HEATR5B: variants seen among roughly 807,000 people sequenced by gnomAD.
HEATR5B encodes HEAT repeat containing 5B.
A neutral mutation model predicts 224.1 loss-of-function variants in HEATR5B; 156 were observed. The ratio of observed to expected loss-of-function variants is 0.70; its 90% CI spans 0.61 to 0.80. HEATR5B has a LOEUF of 0.80. HEATR5B is among the 30% of genes least tolerant of loss of function. The pLI is 0.00. For synonymous variants in HEATR5B, 1,027 were observed against 893.0 expected (o/e 1.15, Z -2.68); for missense variants, 2,323 against 2,535.5 (o/e 0.92, Z 1.80).
rs1442329477 is a variant in HEATR5B, at chr2:37,007,142, G to C, written c.4685C>G (p.Ser1562Cys). ...TGCCTGGTTTAAATTGACAGATGTAGAACGTTTTTGTAAACCAGATATTGC... is the reference window on the plus strand; with the variant it reads ...TGCCTGGTTTAAATTGACAGATGTACAACGTTTTTGTAAACCAGATATTGC... Reference protein sequence around the residue: ...AAAISGLQKRSTSVNLNQASG... With the variant: ...AAAISGLQKRCTSVNLNQASG... The change falls in exon 29 of 36, where the codon TCT (serine) becomes TGT (cysteine). Residue 1562 changes from serine (S) to cysteine (C), a missense_variant. Ser to Cys is a moderately radical substitution (Grantham distance 112, BLOSUM62 -1). Transcript: ENST00000233099. 1.2e-6 allele frequency: 2 copies of C among 1,614,044 alleles called. No homozygotes were observed. Among genetic ancestry groups the C allele is most frequent in the South Asian group, 2.2e-5 (2 of 91,072 alleles).
intron 33 of HEATR5B, among the ~76,000 whole-genome samples, chr2:36,997,359 T>C (rs1189572659): frequency 6.6e-6 from 1 of 152,010 alleles, no homozygotes; most frequent in African/African-American, 2.4e-5. Context: ...TAATTATTTA[T>C]TTTTTATTTT....
intron 33 of HEATR5B, among the ~76,000 whole-genome samples, chr2:36,999,423 A>T (rs1389921297): frequency 6.6e-6 from 1 of 151,976 alleles, no homozygotes; most frequent in Non-Finnish European, 1.5e-5. Flanking sequence ...CATGCCTGTA[A>T]TCTCAGCAAC....
chr2:37,013,510 C>A (rs1558731656), intron 27 of HEATR5B, among the ~76,000 whole-genome samples: 1 of 152,108 alleles, frequency 6.6e-6, no homozygotes, highest in Non-Finnish European at 1.5e-5. Context: ...CAAAGCAAGA[C>A]CCTACCTTTA....
intron 6 of HEATR5B, among the ~76,000 whole-genome samples, chr2:37,071,516 T>G (rs1033367945): frequency 2.0e-5 from 3 of 152,194 alleles, no homozygotes; most frequent in Admixed American, 6.5e-5. Context: ...AATAAAGTGC[T>G]GAAAATAAGT....
At chr2:37,065,326 T>G (rs1368206781) in intron 9 of HEATR5B, among the ~76,000 whole-genome samples, 2 of 149,480 alleles carry the variant, frequency 1.3e-5, no homozygotes, top group Non-Finnish European at 3.0e-5. Context: ...CAAGGAAACT[T>G]TTTTTTTTTT....
chr2:37,047,115 G>A (rs1305473552), intron 18 of HEATR5B, among the ~76,000 whole-genome samples: 1 of 149,650 alleles, frequency 6.7e-6, no homozygotes, highest in Non-Finnish European at 1.5e-5. Context: ...AGGCTGAGGT[G>A]AGAGGGCTGC....
intron 26 of HEATR5B, among the ~76,000 whole-genome samples, chr2:37,016,444 A>G (rs1019476576): frequency 2.0e-5 from 3 of 151,660 alleles, no homozygotes; most frequent in South Asian, 2.1e-4. Flanking sequence ...AAATCCTTGG[A>G]CCAAGATTTT....
chr2:37,045,135 A>G (rs1157724403), intron 18 of HEATR5B, among the ~76,000 whole-genome samples: 1 of 152,198 alleles, frequency 6.6e-6, no homozygotes, highest in Non-Finnish European at 1.5e-5. Context: ...TTGAAAATGT[A>G]AAGCATATTT....
intron 21 of HEATR5B, 45 bp from the exon 22 acceptor site, chr2:37,032,818 T>TA: frequency 2.0e-6 from 3 of 1,536,826 alleles, no homozygotes; most frequent in Non-Finnish European, 2.7e-6. Context: ...TAAAAAGCTG[T>TA]AATTCTTTAA....
chr2:36,991,283 T>C (rs1456017608), intron 33 of HEATR5B, among the ~76,000 whole-genome samples: 2 of 151,846 alleles, frequency 1.3e-5, no homozygotes, highest in Admixed American at 6.6e-5. Context: ...TCCCAGCACT[T>C]TGGGAGGCCG....
At chr2:37,030,725 T>G (rs1669076173) in intron 22 of HEATR5B, among the ~76,000 whole-genome samples, 1 of 152,266 alleles carries the variant, frequency 6.6e-6, no homozygotes, top group Non-Finnish European at 1.5e-5. Flanking sequence ...TATAGTAACT[T>G]GCAATTGTTA....
chr2:37,034,752 C>T (rs552420825), intron 21 of HEATR5B, among the ~76,000 whole-genome samples: 1 of 151,024 alleles, frequency 6.6e-6, no homozygotes, highest in African/African-American at 2.4e-5. Flanking sequence ...GAGACAAGGT[C>T]TCATTATATT....
intron 18 of HEATR5B, among the ~76,000 whole-genome samples, chr2:37,045,116 T>C (rs1392538803): frequency 6.6e-6 from 1 of 152,242 alleles, no homozygotes; most frequent in Non-Finnish European, 1.5e-5. Flanking sequence ...CAGGTTTTCC[T>C]GTACTTCCTT....
intron 24 of HEATR5B, among the ~76,000 whole-genome samples, chr2:37,021,567 T>G (rs914981867): frequency 2.0e-5 from 3 of 152,010 alleles, no homozygotes; most frequent in Non-Finnish European, 4.4e-5. Context: ...TTTCCTGTAT[T>G]CCCCCTTTTC....
chr2:37,015,637 G>A (rs766075515), intron 26 of HEATR5B, among the ~76,000 whole-genome samples: 10 of 152,272 alleles, frequency 6.6e-5, no homozygotes, highest in South Asian at 2.1e-4. Flanking sequence ...ACTGCTTTAC[G>A]GGGATGATAG....
intron 24 of HEATR5B, among the ~76,000 whole-genome samples, chr2:37,022,073 G>A (rs1668498404): frequency 6.6e-6 from 1 of 151,288 alleles, no homozygotes; most frequent in South Asian, 2.1e-4. Flanking sequence ...TGTTACCTGT[G>A]TTTTTTCCCA....
chr2:37,074,023 C>T (rs1441258132), intron 5 of HEATR5B, among the ~76,000 whole-genome samples: 1 of 151,992 alleles, frequency 6.6e-6, no homozygotes, highest in African/African-American at 2.4e-5. Context: ...ATAGGCTTTT[C>T]GAAATGGTAC....
chr2:37,036,716 T>A (rs760088793), intron 21 of HEATR5B, among the ~76,000 whole-genome samples: 1 of 152,042 alleles, frequency 6.6e-6, no homozygotes, highest in Non-Finnish European at 1.5e-5. Flanking sequence ...TTGACCACAT[T>A]GCCCAGGCTG....
chr2:36,996,851 C>T (rs536004199), intron 33 of HEATR5B, among the ~76,000 whole-genome samples: 1 of 152,250 alleles, frequency 6.6e-6, no homozygotes, highest in East Asian at 1.9e-4. Flanking sequence ...CTCAGCCTCC[C>T]AAAGTGCTGG....
Sources: allele counts gnomAD v4.1 joint callset (sites outside exome capture counted in the v4.1 genomes callset), GRCh38; gene constraint gnomAD v4.1.1; transcripts MANE v1.5; gene names NCBI Gene and HGNC (gene_info 2026-07-23, HGNC 2026-07-21).